Variants in FNIP1 observed in about 807,000 individuals in gnomAD.
FNIP1 encodes the protein folliculin interacting protein 1, also known as folliculin-interacting protein 1.
Under a neutral mutation model 124.5 loss-of-function variants are expected in FNIP1, and 40 were observed. That is an observed-to-expected ratio of 0.32 (90% CI 0.25 to 0.42). FNIP1 has a LOEUF of 0.42. FNIP1 is among the 10% of genes least tolerant of loss of function. The pLI is 1.00. For synonymous variants in FNIP1, 472 were observed against 470.6 expected (o/e 1.00, Z -0.04); for missense variants, 1,176 against 1,403.7 (o/e 0.84, Z 2.59).
At chr5:131,750,371 T>A (rs969915898) in intron 1 of FNIP1, among the ~76,000 whole-genome samples, 1 of 151,978 alleles carries the variant, frequency 6.6e-6, no homozygotes, top group African/African-American at 2.4e-5. Context: ...CAGGGCAGGA[T>A]CCTAGAGTTT....
At chr5:131,764,307 CTTTT>C (rs77846852) in intron 1 of FNIP1, among the ~76,000 whole-genome samples, 4 of 137,038 alleles carry the variant, frequency 2.9e-5, no homozygotes, top group Admixed American at 7.3e-5. Context: ...CCTAAAACAC[CTTTT>C]TTTTTTTTTT....
chr5:131,684,653 T>C lies in FNIP1; in HGVS notation c.1203-5478A>G, dbSNP rs150614188. ...AATACCACAGCAATTGACTCACAAGTATTTAATTAAAATTTTGAAAAATAA... is the reference window on the plus strand; with the variant it reads ...AATACCACAGCAATTGACTCACAAGCATTTAATTAAAATTTTGAAAAATAA... On this transcript the variant is annotated intron_variant, in intron 11 of 17. Transcript: ENST00000510461. Among the ~76,000 whole-genome samples, 5 of 152,330 alleles carry C rather than the reference T, an allele frequency of 3.3e-5. No individual in the cohort carries two copies. The East Asian group carries it at 9.6e-4, about 29-fold the overall frequency.
intron 7 of FNIP1, among the ~76,000 whole-genome samples, chr5:131,709,932 G>A (rs1426156090): frequency 6.6e-6 from 1 of 152,110 alleles, no homozygotes; most frequent in African/African-American, 2.4e-5. Context: ...TCACATTCCA[G>A]TAATTTCCAC....
intron 1 of FNIP1, among the ~76,000 whole-genome samples, chr5:131,758,896 A>G (rs1771135438): frequency 1.3e-5 from 2 of 152,150 alleles, no homozygotes; most frequent in South Asian, 4.1e-4. Context: ...GAAGAGAAAA[A>G]TACTTAGATA....
chr5:131,717,227 A>T (rs1769498663), intron 5 of FNIP1, among the ~76,000 whole-genome samples: 1 of 150,802 alleles, frequency 6.6e-6, no homozygotes. Context: ...TATGAGTGAG[A>T]ACATGTGGTG....
At chr5:131,712,506 T>A (rs951563821) in intron 6 of FNIP1, among the ~76,000 whole-genome samples, 4 of 152,090 alleles carry the variant, frequency 2.6e-5, no homozygotes, top group Non-Finnish European at 5.9e-5. Flanking sequence ...TCAACGAAAA[T>A]ATCACAAAAG....
intron 2 of FNIP1, among the ~76,000 whole-genome samples, chr5:131,735,454 A>ATTTTATATATATATAT (rs59744675): frequency 4.7e-5 from 7 of 147,484 alleles, no homozygotes; most frequent in East Asian, 2.0e-4. Context: ...AACTTAAAGT[A>ATTTTATATATATATAT]TTTTATATAT....
rs758561277 is a variant in FNIP1 at position 131,671,524 on chromosome 5, C to T, written c.2920G>A (p.Asp974Asn). ...ACTTACCCAGGAAAAGGTATCTCAT[C>T]CTCTTCTGCCCAATCTTCTTGCTCT... is the stretch of plus-strand genomic sequence containing the variant. ...GGEQEDWAEE[D>N]EIPFPGSKLI... Residue 974 changes from aspartate (D) to asparagine (N), a missense_variant, in exon 14 of 18, where the codon GAT (aspartate) becomes AAT (asparagine). Physicochemically the swap from Asp to Asn is conservative, Grantham distance 23 (BLOSUM62 1). Transcript: ENST00000510461. 1.9e-6 allele frequency: 3 copies of T among 1,609,928 alleles called. No individual in the cohort carries two copies. The highest frequency in any genetic ancestry group is 2.5e-6 in the Non-Finnish European group (3 of 1,179,372).
chr5:131,746,755 C>A (rs1043210079), intron 1 of FNIP1, among the ~76,000 whole-genome samples: 1 of 152,256 alleles, frequency 6.6e-6, no homozygotes, highest in East Asian at 1.9e-4. Flanking sequence ...GTGCATGTGT[C>A]TTTTTGGTAG....
chr5:131,719,181 T>C, intron 4 of FNIP1, 121 bp from the exon 5 acceptor site: 3 of 1,126,490 alleles, frequency 2.7e-6, no homozygotes, highest in Non-Finnish European at 2.6e-6. Flanking sequence ...AGCCATGAAG[T>C]AGCATTAAAA....
At chr5:131,721,865 T>C (rs1265215700) in intron 3 of FNIP1, among the ~76,000 whole-genome samples, 5 of 152,244 alleles carry the variant, frequency 3.3e-5, no homozygotes, top group African/African-American at 1.2e-4. Flanking sequence ...TTATTCTTTG[T>C]CTTCACAGGA....
At position 131,693,297 on chromosome 5, in the gene FNIP1, CATATAT is replaced by C. The variant is rs142195628; in HGVS notation, c.1202+5614_1202+5619del. On this transcript the variant is annotated intron_variant, in intron 11 of 17. Coordinates refer to ENST00000510461, the MANE Select transcript of FNIP1 (RefSeq NM_133372.3). ...AAGCATGGTAATAGCTAAATATATA[CATATAT>C]ATATATATATATACACATATATATA... is the stretch of plus-strand genomic sequence containing the variant. Among the ~76,000 whole-genome samples, 169 of 27,030 alleles carry C rather than the reference CATATAT, an allele frequency of 6.3e-3. 5 individuals carry two copies. The highest frequency in any genetic ancestry group is 0.017 in the African/African-American group (133 of 7,890). The allele number at this position is 27,030 out of a possible 152,430, so 17.7% of individuals were successfully genotyped here. A position where few individuals can be genotyped will look rare whatever the true frequency, so the allele number is the denominator to read the frequency against.
At chr5:131,655,668 T>A (rs1051976492) in intron 15 of FNIP1, among the ~76,000 whole-genome samples, 3 of 149,814 alleles carry the variant, frequency 2.0e-5, no homozygotes, top group African/African-American at 7.4e-5. Flanking sequence ...CGCTCTCCAA[T>A]AAACAGCATA....
chr5:131,686,418 C>G (rs1768273702), intron 11 of FNIP1, among the ~76,000 whole-genome samples: 1 of 152,176 alleles, frequency 6.6e-6, no homozygotes, highest in Non-Finnish European at 1.5e-5. Context: ...AATCATAACT[C>G]ACTGCAACCT....
chr5:131,785,078 ACATATATATATGATATATATGAC>A (rs1466994871), intron 1 of FNIP1, among the ~76,000 whole-genome samples: 7 of 12,248 alleles, frequency 5.7e-4, no homozygotes, highest in African/African-American at 1.6e-3. Context: ...GATATATATG[ACATATATATATGATATATATGAC>A]TATATATATA....
intron 11 of FNIP1, among the ~76,000 whole-genome samples, chr5:131,689,950 G>C (rs901039550): frequency 3.3e-5 from 5 of 152,190 alleles, no homozygotes; most frequent in African/African-American, 4.8e-5. Flanking sequence ...GCCGGGTGCA[G>C]TGGCTCACGC....
chr5:131,657,527 G>A (rs1767232855), intron 15 of FNIP1, among the ~76,000 whole-genome samples: 1 of 151,990 alleles, frequency 6.6e-6, no homozygotes, highest in Non-Finnish European at 1.5e-5. Context: ...GATTGTCAGT[G>A]CTATGGAAAA....
rs929046992 is a variant in FNIP1 at position 131,766,130 on chromosome 5, C to G, written c.93-21440G>C. On this transcript the variant is annotated intron_variant, in intron 1 of 17. Coordinates refer to ENST00000510461, the MANE Select transcript of FNIP1 (RefSeq NM_133372.3). ...TTTCTTTTTTTTTTTTCTTTTGAGA[C>G]ACGGTCTCACTCTGTCACTCAGGCT... is the stretch of plus-strand genomic sequence containing the variant. Among the ~76,000 whole-genome samples the G allele has an allele frequency of 2.0e-5, 3 of 150,014 alleles. No individual in the cohort carries two copies. In the Admixed American group the frequency reaches 2.0e-4, roughly 10 times the overall value.
chr5:131,786,485 C>T (rs1772223983), intron 1 of FNIP1, among the ~76,000 whole-genome samples: 1 of 152,134 alleles, frequency 6.6e-6, no homozygotes, highest in Admixed American at 6.5e-5. Flanking sequence ...TCTCAAGAAA[C>T]ATCAAATGGT....
Sources: allele counts gnomAD v4.1 joint callset (sites outside exome capture counted in the v4.1 genomes callset), GRCh38; gene constraint gnomAD v4.1.1; transcripts MANE v1.5; gene names NCBI Gene and HGNC (gene_info 2026-07-23, HGNC 2026-07-21).